GLB1: variants seen among roughly 807,000 people sequenced by gnomAD.
GLB1 encodes the protein beta-galactosidase.
A neutral mutation model predicts 74.0 loss-of-function variants in GLB1; 56 were observed. The observed-to-expected ratio is 0.76, with a 90% confidence interval of 0.61 to 0.94. The LOEUF (loss-of-function observed/expected upper bound fraction) is 0.94, where lower values mean the gene tolerates loss of function less well. GLB1 is among the 40% of genes least tolerant of loss of function. The pLI, the probability that GLB1 is intolerant of heterozygous loss-of-function variation, is 0.00. For missense variants in GLB1, 787 were observed against 845.5 expected (o/e 0.93, Z 0.86); for synonymous variants, 323 against 323.6 (o/e 1.00, Z 0.02).
At chr3:33,021,813 C>A (rs567412034) in intron 11 of GLB1, among the ~76,000 whole-genome samples, 158 bp from the exon 12 acceptor site, 4 of 152,286 alleles carry the variant, frequency 2.6e-5, no homozygotes, top group Admixed American at 1.3e-4. Context: ...TCCCAGTCTC[C>A]TTCAGTCCTC....
the GLB1 span, among the ~76,000 whole-genome samples, chr3:32,980,337 C>G: frequency 6.6e-6 from 1 of 152,192 alleles, no homozygotes; most frequent in Non-Finnish European, 1.5e-5. Flanking sequence ...CAGGCATGAG[C>G]CACCACACTG....
the GLB1 span, among the ~76,000 whole-genome samples, chr3:32,971,783 G>C: frequency 6.6e-6 from 1 of 150,920 alleles, no homozygotes; most frequent in South Asian, 2.1e-4. Flanking sequence ...CCTTTCTCTT[G>C]ATTCTCTACT....
At chr3:33,044,334 T>C (rs1698658503) in intron 10 of GLB1, among the ~76,000 whole-genome samples, 1 of 151,868 alleles carries the variant, frequency 6.6e-6, no homozygotes, top group African/African-American at 2.4e-5. Flanking sequence ...GAAATCAAAA[T>C]AGATATGTTT....
intron 1 of GLB1, among the ~76,000 whole-genome samples, chr3:33,081,404 T>C (rs1700318417): frequency 6.6e-6 from 1 of 152,148 alleles, no homozygotes; most frequent in African/African-American, 2.4e-5. Context: ...GACATGACGC[T>C]GGTCTACAGG....
chr3:33,016,644 ACTGGG>A (rs1016621364), intron 14 of GLB1, 60 bp downstream of exon 14: 1 of 1,606,126 alleles, frequency 6.2e-7, no homozygotes, highest in Non-Finnish European at 8.5e-7. Flanking sequence ...GAGCCACTGT[ACTGGG>A]CTTCAACTTC....
At chr3:32,967,617 A>G in the GLB1 span, among the ~76,000 whole-genome samples, 1 of 151,160 alleles carries the variant, frequency 6.6e-6, no homozygotes, top group African/African-American at 2.5e-5. Context: ...GGGCTGGTGC[A>G]CCTAAATAAT....
chr3:32,974,597 G>A, the GLB1 span, among the ~76,000 whole-genome samples: 1 of 152,122 alleles, frequency 6.6e-6, no homozygotes, highest in Non-Finnish European at 1.5e-5. Context: ...AGATCCAGGA[G>A]AGCTGAGGAT....
At chr3:33,035,085 A>G (rs924274409) in intron 10 of GLB1, among the ~76,000 whole-genome samples, 3 of 151,466 alleles carry the variant, frequency 2.0e-5, no homozygotes, top group African/African-American at 7.2e-5. Context: ...AAGGTAAGGA[A>G]TGAAGAATGG....
chr3:33,038,058 G>C (rs1698353469), intron 10 of GLB1: 1 of 148,418 alleles, frequency 6.7e-6, no homozygotes, highest in Non-Finnish European at 1.5e-5. Context: ...GCTCAGATTG[G>C]TGAGAGAGGT....
intron 15 of GLB1, among the ~76,000 whole-genome samples, chr3:33,009,051 G>A (rs1361171562): frequency 1.3e-5 from 2 of 151,650 alleles, no homozygotes; most frequent in Admixed American, 6.6e-5. Context: ...CCTGGGAGGC[G>A]GAGGTTGCAG....
chr3:33,093,417 G>T lies in GLB1; in HGVS notation c.75+3594C>A. On this transcript the variant is annotated intron_variant, in intron 1 of 15. Coordinates refer to ENST00000307363, the MANE Select transcript of GLB1 (RefSeq NM_000404.4). This position sits in a 1 kb window ranked among gnomAD's most constrained non-coding sequence, Gnocchi z 6.0. The stretch of plus-strand genomic sequence containing the variant: ...ATGTGAATGAAGCTGGCCCAGAGGA[G>T]CGACAGCCGTCCGCAGGACCGAGGC... 1 of 1,614,162 alleles carries T rather than the reference G, an allele frequency of 6.2e-7. No homozygotes were observed. The highest frequency in any genetic ancestry group is 8.5e-7 in the Non-Finnish European group (1 of 1,180,040).
intron 10 of GLB1, among the ~76,000 whole-genome samples, chr3:33,041,709 A>G (rs1354478210): frequency 6.6e-6 from 1 of 151,918 alleles, no homozygotes; most frequent in Admixed American, 6.6e-5. Context: ...CATTTTGAAA[A>G]TGAGGGTGAA....
At chr3:32,978,764 TC>T in the GLB1 span, among the ~76,000 whole-genome samples, 16 of 67,978 alleles carry the variant, frequency 2.4e-4, no homozygotes, top group African/African-American at 5.5e-4. Context: ...TTTCTTTCTT[TC>T]TTTTTTTTTT....
At chr3:33,011,852 C>A (rs1030544738) in intron 15 of GLB1, among the ~76,000 whole-genome samples, 62 of 152,240 alleles carry the variant, frequency 4.1e-4, no homozygotes, top group African/African-American at 1.4e-3. Flanking sequence ...TTCAAGTATT[C>A]CTGTTCGTAT....
intron 10 of GLB1, among the ~76,000 whole-genome samples, chr3:33,025,668 A>AG (rs1460513854): frequency 7.0e-6 from 1 of 143,230 alleles, no homozygotes; most frequent in Non-Finnish European, 1.5e-5. Context: ...CTGTGGCGGA[A>AG]GGAGGTCGTG....
intron 1 of GLB1, chr3:33,092,795 G>A (rs758950218): frequency 1.3e-6 from 2 of 1,546,752 alleles, no homozygotes; most frequent in Non-Finnish European, 1.7e-6. Flanking sequence ...GGAGGGTCGA[G>A]GACAAGGGCA....
At chr3:33,031,521 G>A (rs1698007932) in intron 10 of GLB1, among the ~76,000 whole-genome samples, 1 of 142,206 alleles carries the variant, frequency 7.0e-6, no homozygotes, top group African/African-American at 2.6e-5. Context: ...GTGTGCGCTT[G>A]TAATCCCAGC....
the GLB1 span, among the ~76,000 whole-genome samples, chr3:32,976,445 C>T: frequency 5.3e-5 from 8 of 152,190 alleles, no homozygotes; most frequent in East Asian, 1.9e-4. Context: ...TTGCGTCTGC[C>T]CTTGCACTGT....
chr3:33,051,011 G>A (rs557909118), intron 9 of GLB1, among the ~76,000 whole-genome samples: 4 of 151,486 alleles, frequency 2.6e-5, no homozygotes, highest in Non-Finnish European at 4.4e-5. Flanking sequence ...GGTGGATCAC[G>A]AGGTCAGGAG....
Sources: allele counts gnomAD v4.1 joint callset (sites outside exome capture counted in the v4.1 genomes callset), GRCh38; gene constraint gnomAD v4.1.1; non-coding constraint Gnocchi (gnomAD v3.1); transcripts MANE v1.5; gene names NCBI Gene and HGNC (gene_info 2026-07-23, HGNC 2026-07-21).